Variants in CSNK1G1 observed in about 807,000 individuals in gnomAD.
CSNK1G1 encodes casein kinase 1 gamma 1, also known as casein kinase I isoform gamma-1.
CSNK1G1 carries 22 observed loss-of-function variants against 59.6 expected under a neutral mutation model. That is an observed-to-expected ratio of 0.37 (90% CI 0.26 to 0.53). CSNK1G1 has a LOEUF of 0.53. Ranked by LOEUF, CSNK1G1 falls within the 20% of genes least tolerant of loss-of-function variation. CSNK1G1 has a pLI of 0.89. For missense variants in CSNK1G1, 384 were observed against 519.5 expected, an observed-to-expected ratio of 0.74 and a Z score of 2.54; for synonymous variants, 179 against 177.1, an observed-to-expected ratio of 1.01 and a Z score of -0.08.
At chr15:64,269,186 T>A (rs529334396) in intron 2 of CSNK1G1, among the ~76,000 whole-genome samples, 3 of 152,338 alleles carry the variant, frequency 2.0e-5, no homozygotes, top group African/African-American at 7.2e-5. Flanking sequence ...AGTTTGGTGA[T>A]GTTTTTGTGA....
At chr15:64,322,704 G>A (rs527454677) in intron 1 of CSNK1G1, among the ~76,000 whole-genome samples, 12 of 152,144 alleles carry the variant, frequency 7.9e-5, no homozygotes, top group East Asian at 7.8e-4. Flanking sequence ...ATGGTAGTGC[G>A]CATCTGTAGT....
intron 2 of CSNK1G1, among the ~76,000 whole-genome samples, chr15:64,278,450 A>G (rs1893922556): frequency 7.1e-6 from 1 of 141,170 alleles, no homozygotes; most frequent in African/African-American, 2.7e-5. Flanking sequence ...TTTTTTGGAC[A>G]CAGAGTCTCA....
intron 4 of CSNK1G1, among the ~76,000 whole-genome samples, chr15:64,232,225 T>A (rs2082559777): frequency 6.6e-6 from 1 of 152,242 alleles, no homozygotes; most frequent in African/African-American, 2.4e-5. Context: ...ATTACTTTTG[T>A]AGAAAGAAAA....
At chr15:64,267,972 T>G (rs969008664) in intron 2 of CSNK1G1, among the ~76,000 whole-genome samples, 1 of 151,974 alleles carries the variant, frequency 6.6e-6, no homozygotes, top group Non-Finnish European at 1.5e-5. Flanking sequence ...GTAAAATAAA[T>G]TTTATTTTTT....
At chr15:64,248,508 G>A (rs1596156671) in intron 4 of CSNK1G1, among the ~76,000 whole-genome samples, 1 of 152,088 alleles carries the variant, frequency 6.6e-6, no homozygotes, top group Non-Finnish European at 1.5e-5. Context: ...AGATACAAGG[G>A]TAAAGAAGAC....
intron 1 of CSNK1G1, among the ~76,000 whole-genome samples, chr15:64,354,026 C>T (rs1250448924): frequency 1.3e-5 from 2 of 152,026 alleles, no homozygotes; most frequent in East Asian, 1.9e-4. Context: ...TACAAGTAGG[C>T]CGGGCACGGT....
chr15:64,218,847 G>A (rs1056160813), intron 4 of CSNK1G1, among the ~76,000 whole-genome samples: 3 of 139,044 alleles, frequency 2.2e-5, no homozygotes, highest in African/African-American at 8.3e-5. Flanking sequence ...GATTTAATTT[G>A]AAGTGTTTTT....
chr15:64,293,763 G>C (rs2140390219), intron 2 of CSNK1G1, among the ~76,000 whole-genome samples: 1 of 152,242 alleles, frequency 6.6e-6, no homozygotes, highest in South Asian at 2.1e-4. Flanking sequence ...ATTCTCACAG[G>C]AGTGCAAACC....
At chr15:64,337,267 A>G (rs1216899254) in intron 1 of CSNK1G1, among the ~76,000 whole-genome samples, 1 of 152,142 alleles carries the variant, frequency 6.6e-6, no homozygotes, top group African/African-American at 2.4e-5. Flanking sequence ...AGCAGAACTC[A>G]TAGAAACATA....
At chr15:64,205,052 TTTG>T in intron 7 of CSNK1G1, 103 bp from the exon 8 acceptor site, 1 of 627,510 alleles carries the variant, frequency 1.6e-6, no homozygotes, top group Non-Finnish European at 2.7e-6. Context: ...ATTCGCAGTA[TTTG>T]TTGGTCTTGA....
intron 10 of CSNK1G1, among the ~76,000 whole-genome samples, chr15:64,185,660 T>C (rs531325206): frequency 6.6e-6 from 1 of 152,050 alleles, no homozygotes; most frequent in South Asian, 2.1e-4. Flanking sequence ...GGTCAGGAGT[T>C]TGAGACCAGC....
At chr15:64,238,445 A>G (rs890194686) in intron 4 of CSNK1G1, among the ~76,000 whole-genome samples, 20 of 140,386 alleles carry the variant, frequency 1.4e-4, no homozygotes, top group African/African-American at 4.9e-4. Context: ...GTAAGCTATG[A>G]TCACGCCACT....
intron 2 of CSNK1G1, among the ~76,000 whole-genome samples, chr15:64,263,661 G>A (rs985286668): frequency 7.9e-5 from 12 of 151,632 alleles, no homozygotes; most frequent in Non-Finnish European, 1.2e-4. Context: ...AGCATTAACC[G>A]GCCTGCCCCT....
intron 4 of CSNK1G1, among the ~76,000 whole-genome samples, chr15:64,238,517 AAAT>A (rs1566914314): frequency 1.4e-4 from 16 of 111,448 alleles, no homozygotes; most frequent in African/African-American, 6.1e-4. Flanking sequence ...AAAAAAAAAA[AAAT>A]ATATATATAT....
intron 2 of CSNK1G1, among the ~76,000 whole-genome samples, chr15:64,261,582 G>C (rs987334212): frequency 1.3e-5 from 2 of 151,552 alleles, no homozygotes; most frequent in Non-Finnish European, 2.9e-5. Flanking sequence ...GCATGGGAGA[G>C]AGGAACAAAA....
chr15:64,295,227 C>A (rs144551718), intron 2 of CSNK1G1, among the ~76,000 whole-genome samples: 1 of 152,144 alleles, frequency 6.6e-6, no homozygotes, highest in Non-Finnish European at 1.5e-5. Flanking sequence ...TCAATTAACT[C>A]ATTTATGCCT....
At chr15:64,262,735 A>C (rs1162705757) in intron 2 of CSNK1G1, among the ~76,000 whole-genome samples, 2 of 152,206 alleles carry the variant, frequency 1.3e-5, no homozygotes, top group East Asian at 1.9e-4. Flanking sequence ...TTTTATTTAC[A>C]TAAAAACAAA....
intron 2 of CSNK1G1, among the ~76,000 whole-genome samples, chr15:64,281,745 C>T (rs1894147366): frequency 6.7e-6 from 1 of 149,896 alleles, no homozygotes; most frequent in Non-Finnish European, 1.5e-5. Context: ...GAGGCTGAGG[C>T]AGGAGAATTA....
At chr15:64,339,723 G>C (rs1897590341) in intron 1 of CSNK1G1, among the ~76,000 whole-genome samples, 1 of 152,218 alleles carries the variant, frequency 6.6e-6, no homozygotes, top group African/African-American at 2.4e-5. Context: ...AAAAGAAACA[G>C]GAGGAGCAGT....
Sources: allele counts gnomAD v4.1 joint callset (sites outside exome capture counted in the v4.1 genomes callset), GRCh38; gene constraint gnomAD v4.1.1; transcripts MANE v1.5; gene names NCBI Gene and HGNC (gene_info 2026-07-23, HGNC 2026-07-21).